HS6ST2: variants seen among roughly 807,000 people sequenced by gnomAD.
HS6ST2 encodes heparan sulfate 6-O-sulfotransferase 2.
A neutral mutation model predicts 33.0 loss-of-function variants in HS6ST2; 17 were observed. The ratio of observed to expected loss-of-function variants is 0.52; its 90% confidence interval spans 0.35 to 0.77. HS6ST2 has a LOEUF of 0.77. Ranked by LOEUF, HS6ST2 falls within the 30% of genes least tolerant of loss-of-function variation. The probability of loss-of-function intolerance (pLI) is 0.01; values close to 1 mark genes in which losing one functional copy is unlikely to be tolerated. For missense variants in HS6ST2, 519 were observed against 551.7 expected, an observed-to-expected ratio of 0.94 and a Z score of 0.59; for synonymous variants, 248 against 237.1, an observed-to-expected ratio of 1.05 and a Z score of -0.42.
Position 132,950,913 on chromosome X carries a change from C to T in HS6ST2, c.947+5895G>A, listed in dbSNP as rs147388589. Among the ~76,000 whole-genome samples, 128 of 111,476 alleles carry T rather than the reference C, an allele frequency of 1.1e-3. No homozygotes were observed. In the East Asian group the frequency reaches 0.016, roughly 14 times the overall value. On this transcript the variant is annotated intron_variant, in intron 2 of 4. Transcript: ENST00000370833. ...TAAGAGTCCCATATGTGAATTGCAGCTATCACTTAAATAACAACGCCAATT... is the reference window on the plus strand; with the variant it reads ...TAAGAGTCCCATATGTGAATTGCAGTTATCACTTAAATAACAACGCCAATT...
chrX:132,627,447 T>C lies in HS6ST2; in HGVS notation c.*776A>G, dbSNP rs2063487045. ...CAAAATGATTCCAGTATTGTTGAAA[T>C]TACAGTGCCCTGAAAGCGCCTGGAA... On this transcript the variant is annotated 3_prime_UTR_variant, in exon 5 of 5. Transcript: ENST00000370833. 1 of 112,330 alleles carries C rather than the reference T, an allele frequency of 8.9e-6. No homozygotes were observed. Among genetic ancestry groups the C allele is most frequent in the Non-Finnish European group, 1.9e-5 (1 of 53,184 alleles). The allele number at this position is 112,330 out of a possible 1,213,427, so 9.3% of individuals were successfully genotyped here.
Position 132,628,627 on chromosome X carries a change from C to T in HS6ST2, c.1534G>A (p.Glu512Lys), listed in dbSNP as rs758857740. 1.7e-6 allele frequency: 2 copies of T among 1,210,952 alleles called. No homozygotes were observed. The highest frequency in any genetic ancestry group is 4.4e-5 in the Admixed American group (2 of 45,961). The change falls in exon 5 of 5, where the codon GAA becomes AAA. Residue 512 changes from glutamate (E) to lysine (K), a missense_variant. Transcript: ENST00000370833. ...AGTCCCTCAATACGCTTTTGAATTT[C>T]CTCATTGATCTCTACACTAGAGGCC... ...TRASSVEINE[E>K]IQKRIEGLNF... is the part of the protein sequence containing the mutation.
At chrX:132,921,942 A>G (rs1035920168) in intron 2 of HS6ST2, among the ~76,000 whole-genome samples, 1 of 112,053 alleles carries the variant, frequency 8.9e-6, no homozygotes, top group Admixed American at 9.5e-5. Flanking sequence ...TGGAGTTAGA[A>G]AGTAGGATAA....
intron 2 of HS6ST2, among the ~76,000 whole-genome samples, chrX:132,822,318 T>C (rs919544323): frequency 9.0e-6 from 1 of 111,255 alleles, no homozygotes. Flanking sequence ...TCTCCTTCCA[T>C]CCCTGCCCGT....
intron 2 of HS6ST2, among the ~76,000 whole-genome samples, chrX:132,902,169 T>A (rs2066431801): frequency 9.4e-6 from 1 of 106,825 alleles, no homozygotes; most frequent in Admixed American, 1.0e-4. Context: ...TTGTGTGATC[T>A]CGGCTCACTA....
At chrX:132,668,645 T>G (rs1191139170) in intron 4 of HS6ST2, among the ~76,000 whole-genome samples, 2 of 111,973 alleles carry the variant, frequency 1.8e-5, no homozygotes, top group Non-Finnish European at 3.8e-5. Context: ...GTGATATGGT[T>G]AAAACATAAA....
At chrX:132,787,167 G>GTATATA (rs751338482) in intron 2 of HS6ST2, among the ~76,000 whole-genome samples, 3 of 51,387 alleles carry the variant, frequency 5.8e-5, no homozygotes, top group Non-Finnish European at 9.8e-5. Flanking sequence ...ATATATATAT[G>GTATATA]TATATATATA....
chrX:132,875,708 T>A (rs1386538796), intron 2 of HS6ST2, among the ~76,000 whole-genome samples: 1 of 112,200 alleles, frequency 8.9e-6, no homozygotes, highest in Non-Finnish European at 1.9e-5. Flanking sequence ...CTGATAGAAA[T>A]GGGGATGTAA....
At chrX:132,952,249 C>A (rs1043078601) in intron 2 of HS6ST2, among the ~76,000 whole-genome samples, 1 of 112,029 alleles carries the variant, frequency 8.9e-6, no homozygotes, top group African/African-American at 3.2e-5. Context: ...ATTAATACTA[C>A]TGGAATTCTA....
At chrX:132,821,454 C>G (rs7065870) in intron 2 of HS6ST2, among the ~76,000 whole-genome samples, 2 of 109,452 alleles carry the variant, frequency 1.8e-5, no homozygotes, top group African/African-American at 6.7e-5. Context: ...CCTTGTGATC[C>G]GCCCACCTCG....
intron 2 of HS6ST2, among the ~76,000 whole-genome samples, chrX:132,755,206 C>G (rs1257857551): frequency 8.9e-6 from 1 of 112,244 alleles, no homozygotes; most frequent in African/African-American, 3.2e-5. Context: ...TTATTTTATA[C>G]TTTGGGTTAT....
At chrX:132,907,952 G>A (rs1391724857) in intron 2 of HS6ST2, among the ~76,000 whole-genome samples, 2 of 111,886 alleles carry the variant, frequency 1.8e-5, no homozygotes, top group East Asian at 5.6e-4. Flanking sequence ...AAACTTTCAT[G>A]CTTCAAAGAA....
rs755535720 is a variant in HS6ST2, at chrX:132,793,048, C to CTTTTTTTT, written c.948-84562_948-84555dup. ...AAGTTGCAAATCTCCAAATAAACTC[C>CTTTTTTTT]TTTTTTTTTTTTTTTTTTTTTTTTT... On this transcript the variant is annotated intron_variant, in intron 2 of 4. Coordinates refer to ENST00000370833, the MANE Select transcript of HS6ST2 (RefSeq NM_001394073.1). 6.6e-4 allele frequency among the ~76,000 whole-genome samples: 35 copies of CTTTTTTTT among 53,241 alleles called. 3 individuals carry two copies. Among genetic ancestry groups the CTTTTTTTT allele is most frequent in the African/African-American group, 2.8e-3 (27 of 9,561 alleles). The allele number at this position is 53,241 out of a possible 115,157, so 46.2% of individuals were successfully genotyped here.
chrX:132,880,275 C>T (rs1222286272), intron 2 of HS6ST2, among the ~76,000 whole-genome samples: 1 of 111,542 alleles, frequency 9.0e-6, no homozygotes, highest in African/African-American at 3.3e-5. Context: ...GTGGCTCATG[C>T]CCGTAATCCT....
At chrX:132,738,762 C>T (rs1393237900) in intron 2 of HS6ST2, among the ~76,000 whole-genome samples, 5 of 112,148 alleles carry the variant, frequency 4.5e-5, no homozygotes, top group Non-Finnish European at 9.4e-5. Context: ...TCCATGTTCA[C>T]CCTACTCTGG....
rs190085495 is a variant in HS6ST2 at position 132,862,933 on chromosome X, T to C, written c.947+93875A>G. 3.1e-3 allele frequency among the ~76,000 whole-genome samples: 349 copies of C among 112,037 alleles called. 1 individual carries two copies. Among genetic ancestry groups the C allele is most frequent in the Admixed American group, 5.9e-3 (62 of 10,578 alleles). On this transcript the variant is annotated intron_variant, in intron 2 of 4. Coordinates refer to ENST00000370833, the MANE Select transcript of HS6ST2 (RefSeq NM_001394073.1). ...CTTATCTGCACCTCAAAGTAAGAGA[T>C]CATTTAGAAATCAATGGCTGAGGAA... is the stretch of plus-strand genomic sequence containing the variant.
intron 4 of HS6ST2, among the ~76,000 whole-genome samples, chrX:132,654,208 T>A (rs150418770): frequency 1.1e-3 from 123 of 111,551 alleles, no homozygotes; most frequent in African/African-American, 3.4e-3. Context: ...ATTTATGTCC[T>A]TAATGATGGT....
At chrX:132,762,463 T>A (rs1167813332) in intron 2 of HS6ST2, among the ~76,000 whole-genome samples, 1 of 112,495 alleles carries the variant, frequency 8.9e-6, no homozygotes, top group African/African-American at 3.2e-5. Flanking sequence ...TTTATTCAGA[T>A]CCTTTTCAGA....
At chrX:132,785,965 A>T (rs935059436) in intron 2 of HS6ST2, among the ~76,000 whole-genome samples, 8 of 111,541 alleles carry the variant, frequency 7.2e-5, no homozygotes, top group Non-Finnish European at 1.5e-4. Context: ...CAGACAAGTG[A>T]TTATACCCAA....
Sources: gnomAD v4.1 joint callset for allele counts (sites outside exome capture counted in the v4.1 genomes callset) on GRCh38, gnomAD v4.1.1 for gene constraint, MANE v1.5 for transcripts, NCBI Gene and HGNC (gene_info 2026-07-23, HGNC 2026-07-21) for gene names.